The following NTM variants were observed in gnomAD, a reference collection of about 807,000 sequenced individuals.
The protein encoded by NTM is IgLON family member 2.
NTM carries 13 observed loss-of-function variants against 42.1 expected under a neutral mutation model. The observed-to-expected ratio is 0.31, with a 90% CI of 0.20 to 0.49. NTM has a LOEUF of 0.49. Ranked by LOEUF, NTM falls within the 20% of genes least tolerant of loss-of-function variation. The probability of loss-of-function intolerance (pLI) is 0.99; values close to 1 mark genes in which losing one functional copy is unlikely to be tolerated. For missense variants in NTM, 373 were observed against 452.8 expected (o/e 0.82, Z 1.60); for synonymous variants, 187 against 179.2 (o/e 1.04, Z -0.35).
At chr11:131,632,165 T>C (rs2063721371) in intron 1 of NTM, among the ~76,000 whole-genome samples, 1 of 152,218 alleles carries the variant, frequency 6.6e-6, no homozygotes, top group Non-Finnish European at 1.5e-5. Flanking sequence ...GTGCTGAAGC[T>C]CTTTGTGTCA....
intron 1 of NTM, among the ~76,000 whole-genome samples, chr11:131,869,196 G>A (rs540671901): frequency 6.6e-5 from 10 of 152,112 alleles, no homozygotes; most frequent in African/African-American, 1.2e-4. Flanking sequence ...ATCCCCTAGC[G>A]TCAGGCAAGT....
intron 1 of NTM, among the ~76,000 whole-genome samples, chr11:131,375,764 G>A (rs569659367): frequency 3.3e-5 from 5 of 151,946 alleles, no homozygotes; most frequent in East Asian, 3.9e-4. Flanking sequence ...GATTTTGGTC[G>A]GTAACCTCTG....
At chr11:131,910,440 C>T (rs907967200) in intron 1 of NTM, among the ~76,000 whole-genome samples, 1 of 151,480 alleles carries the variant, frequency 6.6e-6, no homozygotes, top group African/African-American at 2.4e-5. Context: ...GGGCCCGGCG[C>T]GGCGGGGGTT....
intron 4 of NTM, among the ~76,000 whole-genome samples, chr11:132,272,520 C>T (rs2093529481): frequency 6.6e-6 from 1 of 151,998 alleles, no homozygotes; most frequent in South Asian, 2.1e-4. Context: ...GGGAAGTTTT[C>T]CCAATTATTT....
chr11:132,159,815 G>A (rs2073938027), intron 3 of NTM, among the ~76,000 whole-genome samples: 1 of 152,216 alleles, frequency 6.6e-6, no homozygotes, highest in African/African-American at 2.4e-5. Context: ...TCACAGGCTG[G>A]AGCCCAGCGA....
At chr11:132,001,412 T>C (rs2069203527) in intron 2 of NTM, among the ~76,000 whole-genome samples, 1 of 152,204 alleles carries the variant, frequency 6.6e-6, no homozygotes. Flanking sequence ...TGAAATTGGA[T>C]AATGTATAAA....
intron 1 of NTM, among the ~76,000 whole-genome samples, chr11:131,827,390 T>C (rs947007055): frequency 3.3e-5 from 5 of 152,190 alleles, no homozygotes. Context: ...TGGGGACAAC[T>C]GTGGGTTCAC....
intron 2 of NTM, among the ~76,000 whole-genome samples, chr11:132,013,890 C>T (rs965495534): frequency 2.6e-5 from 4 of 152,038 alleles, no homozygotes; most frequent in African/African-American, 9.7e-5. Flanking sequence ...GAGAACATTT[C>T]GAGTGGTATC....
intron 1 of NTM, among the ~76,000 whole-genome samples, chr11:131,768,495 G>A (rs190934963): frequency 5.1e-4 from 77 of 152,164 alleles, no homozygotes; most frequent in African/African-American, 1.7e-3. Context: ...CTTAGCCAGC[G>A]TCCTGTGATC....
At chr11:132,276,112 T>G (rs2093718308) in intron 4 of NTM, among the ~76,000 whole-genome samples, 1 of 152,178 alleles carries the variant, frequency 6.6e-6, no homozygotes. Flanking sequence ...ATTCTGTGTC[T>G]GGCTTATTTC....
intron 1 of NTM, among the ~76,000 whole-genome samples, chr11:131,566,833 C>T (rs2056941308): frequency 6.6e-6 from 1 of 152,138 alleles, no homozygotes; most frequent in Admixed American, 6.6e-5. Context: ...CTTTTATAGC[C>T]TGCAGCCTCT....
chr11:131,897,634 T>C (rs1404877720), intron 1 of NTM, among the ~76,000 whole-genome samples: 1 of 152,170 alleles, frequency 6.6e-6, no homozygotes, highest in African/African-American at 2.4e-5. Context: ...AGAGCAAATA[T>C]AAAGGTAGAA....
intron 2 of NTM, among the ~76,000 whole-genome samples, chr11:132,069,073 C>T (rs1296859568): frequency 3.3e-5 from 5 of 152,162 alleles, no homozygotes; most frequent in Middle Eastern, 6.8e-3. Flanking sequence ...TTAGTAAACA[C>T]GTCACACAGC....
At chr11:132,201,280 A>G (rs545238143) in intron 3 of NTM, among the ~76,000 whole-genome samples, 1 of 152,302 alleles carries the variant, frequency 6.6e-6, no homozygotes, top group Non-Finnish European at 1.5e-5. Flanking sequence ...GATTGTGGAA[A>G]AAGTCTGTCT....
At chr11:131,448,779 C>G (rs192854721) in intron 1 of NTM, among the ~76,000 whole-genome samples, 1 of 152,234 alleles carries the variant, frequency 6.6e-6, no homozygotes, top group Non-Finnish European at 1.5e-5. Flanking sequence ...CGGCCCCAAC[C>G]AACAGGCCAG....
At chr11:131,951,539 G>A (rs1281688544) in intron 2 of NTM, among the ~76,000 whole-genome samples, 1 of 152,118 alleles carries the variant, frequency 6.6e-6, no homozygotes, top group East Asian at 1.9e-4. Context: ...TCTGGATTCT[G>A]GAGATAGGGG....
At chr11:131,915,419 G>T (rs1054664917) in intron 2 of NTM, among the ~76,000 whole-genome samples, 1 of 152,178 alleles carries the variant, frequency 6.6e-6, no homozygotes, top group African/African-American at 2.4e-5. Flanking sequence ...ATCATGCCTT[G>T]TCATGGCATG....
chr11:131,877,593 C>T (rs1038976271), intron 1 of NTM: 1 of 152,138 alleles, frequency 6.6e-6, no homozygotes, highest in Non-Finnish European at 1.5e-5. Context: ...ATACCCATCT[C>T]GGGCAGGCTT....
chr11:131,560,473 T>C (rs541059059), intron 1 of NTM, among the ~76,000 whole-genome samples: 5 of 152,336 alleles, frequency 3.3e-5, no homozygotes, highest in African/African-American at 4.8e-5. Context: ...GGCTGCAGTA[T>C]AACACACAAG....
Sources: gnomAD v4.1 joint callset for allele counts (sites outside exome capture counted in the v4.1 genomes callset) on GRCh38, gnomAD v4.1.1 for gene constraint, MANE v1.5 for transcripts, NCBI Gene and HGNC (gene_info 2026-07-23, HGNC 2026-07-21) for gene names.